The following FRMD4B variants were observed in gnomAD, a reference collection of about 807,000 sequenced individuals.
FRMD4B encodes FERM domain-containing protein 4B.
FRMD4B carries 74 observed loss-of-function variants against 141.5 expected under a neutral mutation model. The ratio of observed to expected loss-of-function variants is 0.52; its 90% CI spans 0.43 to 0.63. The LOEUF is 0.63. Among genes scored for constraint, FRMD4B ranks in the 30% least tolerant of loss-of-function variants. The pLI is 0.00. For synonymous variants in FRMD4B, 506 were observed against 467.9 expected (o/e 1.08, Z -1.05); for missense variants, 1,366 against 1,253.4 (o/e 1.09, Z -1.36).
At chr3:69,267,630 TATATATAGAGAGAGAGAG>T (rs1559765449) in intron 5 of FRMD4B, among the ~76,000 whole-genome samples, 59 of 10,878 alleles carry the variant, frequency 5.4e-3, no homozygotes, top group African/African-American at 0.015. Context: ...TATATATATA[TATATATAGAGAGAGAGAG>T]AGAGAGAGAG....
At chr3:69,448,251 A>G (rs1705439834) in intron 1 of FRMD4B, among the ~76,000 whole-genome samples, 1 of 152,102 alleles carries the variant, frequency 6.6e-6, no homozygotes, top group African/African-American at 2.4e-5. Context: ...GCTGGTCTCG[A>G]ACGCCTGACC....
chr3:69,473,219 T>A (rs1705926344), intron 1 of FRMD4B, among the ~76,000 whole-genome samples: 1 of 152,074 alleles, frequency 6.6e-6, no homozygotes, highest in Non-Finnish European at 1.5e-5. Context: ...TCTCTCTTCC[T>A]ATACTCCATA....
At position 69,171,122 on chromosome 3, in the gene FRMD4B, C is replaced by T. The variant is rs1464353147; in HGVS notation, c.*739G>A. 1 of 152,152 alleles carries T rather than the reference C, an allele frequency of 6.6e-6. No individual in the cohort carries two copies. Among genetic ancestry groups the T allele is most frequent in the African/African-American group, 2.4e-5 (1 of 41,426 alleles). The allele number at this position is 152,152 out of a possible 1,614,324, so 9.4% of individuals were successfully genotyped here. ...GAAAAAGGAGCTCCATGATATTGTA[C>T]CTTAGAATGTTCTCCAAGCAGACTT... On this transcript the variant is annotated 3_prime_UTR_variant, in exon 23 of 23. Transcript: ENST00000398540.
chr3:69,189,697 G>T (rs2092815364), intron 18 of FRMD4B, among the ~76,000 whole-genome samples, 199 bp downstream of exon 18: 1 of 152,112 alleles, frequency 6.6e-6, no homozygotes, highest in Non-Finnish European at 1.5e-5. Flanking sequence ...GATTTTTGTG[G>T]TCCTGTTATT....
intron 11 of FRMD4B, 84 bp downstream of exon 11, chr3:69,216,179 A>C (rs910714134): frequency 8.9e-6 from 7 of 788,322 alleles, no homozygotes; most frequent in Non-Finnish European, 1.5e-5. Context: ...AACCCCAACA[A>C]CCTAATGGTG....
At position 69,536,396 on chromosome 3, in the gene FRMD4B, C is replaced by A. The variant is rs569952597; in HGVS notation, c.-129+5810G>T. Reference sequence around the variant, plus strand: ...AGGAGGCTGCGGCACATGCCAGTGGCCAGCGCCTGCTTCAGCAGATACCTG... The same window carrying A: ...AGGAGGCTGCGGCACATGCCAGTGGACAGCGCCTGCTTCAGCAGATACCTG... On this transcript the variant is annotated intron_variant, in intron 1 of 5. Transcript: ENST00000459638. The A allele has an allele frequency of 9.8e-6, 7 of 715,162 alleles. No homozygotes were observed. The East Asian group carries it at 1.1e-4, about 11-fold the overall frequency. 44.3% of individuals were successfully genotyped at this position (715,162 alleles called of 1,614,324 possible). A position where few individuals can be genotyped will look rare whatever the true frequency, so the allele number is the denominator to read the frequency against.
At chr3:69,423,467 G>A (rs72939690) in intron 2 of FRMD4B, among the ~76,000 whole-genome samples, 5,128 of 152,294 alleles carry the variant, frequency 0.034, 255 homozygotes, top group African/African-American at 0.1. Flanking sequence ...CCCTTTCAGA[G>A]TCTATGTAGC....
intron 4 of FRMD4B, among the ~76,000 whole-genome samples, chr3:69,289,713 CA>C (rs1220654088): frequency 2.6e-5 from 4 of 152,128 alleles, no homozygotes; most frequent in Admixed American, 2.6e-4. Context: ...GGAGGAGAAT[CA>C]CTTGAGCCTG....
chr3:69,328,938 C>G (rs1702269668), intron 1 of FRMD4B, among the ~76,000 whole-genome samples: 1 of 152,124 alleles, frequency 6.6e-6, no homozygotes. Context: ...GCTGCTCTGC[C>G]TATGGAGTGG....
chr3:69,330,340 C>CTTTTTTTTTT (rs34238889), intron 1 of FRMD4B, among the ~76,000 whole-genome samples: 6 of 42,928 alleles, frequency 1.4e-4, no homozygotes, highest in African/African-American at 7.2e-4. Context: ...ATTCTTTTGC[C>CTTTTTTTTTT]TTTTTTTTTT....
At chr3:69,488,671 G>A (rs1296493734) in intron 1 of FRMD4B, among the ~76,000 whole-genome samples, 2 of 152,006 alleles carry the variant, frequency 1.3e-5, no homozygotes, top group Admixed American at 1.3e-4. Flanking sequence ...GGGAGGCTAA[G>A]GCGGGTAGAT....
chr3:69,341,224 G>A (rs755570358), intron 1 of FRMD4B, among the ~76,000 whole-genome samples: 20 of 152,182 alleles, frequency 1.3e-4, no homozygotes, highest in Admixed American at 4.6e-4. Flanking sequence ...ACTTGGAGAT[G>A]TACAGTTACC....
intron 1 of FRMD4B, among the ~76,000 whole-genome samples, chr3:69,484,411 C>T (rs1202990812): frequency 6.6e-6 from 1 of 152,130 alleles, no homozygotes; most frequent in African/African-American, 2.4e-5. Flanking sequence ...GATTTTCTGG[C>T]CAGAAACCTC....
intron 18 of FRMD4B, among the ~76,000 whole-genome samples, chr3:69,188,721 C>T (rs2092798891): frequency 1.4e-5 from 2 of 139,142 alleles, no homozygotes; most frequent in South Asian, 4.6e-4. Context: ...TGCGCCACTG[C>T]AGTCCGCAGT....
chr3:69,402,612 C>T (rs987317450), intron 2 of FRMD4B, among the ~76,000 whole-genome samples: 3 of 152,018 alleles, frequency 2.0e-5, no homozygotes, highest in Non-Finnish European at 4.4e-5. Flanking sequence ...ATAGGAGGTG[C>T]GTAATTCATA....
rs1291367940 is a variant in FRMD4B at position 69,234,903 on chromosome 3, C to G, written c.582-10213G>C. 2.0e-5 allele frequency among the ~76,000 whole-genome samples: 3 copies of G among 152,052 alleles called. No homozygotes were observed. The East Asian group carries it at 5.8e-4, about 29-fold the overall frequency. ...GTGGCTCATGCCTGTAATCCCAGCA[C>G]TTTGGGAGGCTGAGGCGGGCGGATC... On this transcript the variant is annotated intron_variant, in intron 7 of 22. Transcript: ENST00000398540.
At chr3:69,393,604 TACA>T (rs1704426039) in intron 2 of FRMD4B, among the ~76,000 whole-genome samples, 1 of 152,224 alleles carries the variant, frequency 6.6e-6, no homozygotes, top group African/African-American at 2.4e-5. Context: ...ATACTTAACC[TACA>T]TGTACTTCAA....
intron 5 of FRMD4B, among the ~76,000 whole-genome samples, chr3:69,269,396 T>C (rs754353283): frequency 6.6e-6 from 1 of 151,810 alleles, no homozygotes; most frequent in Non-Finnish European, 1.5e-5. Flanking sequence ...TCCCCCTTCA[T>C]AGGTGGGGAG....
At chr3:69,183,056 C>G (rs1008903488) in intron 19 of FRMD4B, among the ~76,000 whole-genome samples, 6 of 152,144 alleles carry the variant, frequency 3.9e-5, no homozygotes, top group Non-Finnish European at 8.8e-5. Flanking sequence ...TTGTGGTGAA[C>G]AGGGATGGAT....
Sources: gnomAD v4.1 joint callset for allele counts (sites outside exome capture counted in the v4.1 genomes callset) on GRCh38, gnomAD v4.1.1 for gene constraint, MANE v1.5 for transcripts, NCBI Gene and HGNC (gene_info 2026-07-23, HGNC 2026-07-21) for gene names.